The following ZPBP variants were observed in gnomAD, a reference collection of about 807,000 sequenced individuals.
ZPBP encodes the protein zona pellucida-binding protein 1.
Under a neutral mutation model 44.8 loss-of-function variants are expected in ZPBP, and 26 were observed. The observed-to-expected ratio is 0.58, with a 90% CI of 0.43 to 0.81. ZPBP has a LOEUF of 0.81. ZPBP is among the 30% of genes least tolerant of loss of function. The pLI, the probability that ZPBP is intolerant of heterozygous loss-of-function variation, is 0.00. For synonymous variants in ZPBP, 174 were observed against 153.2 expected (o/e 1.14, Z -1.00); for missense variants, 409 against 434.0 (o/e 0.94, Z 0.51).
chr7:50,062,715 G>A (rs938128610), intron 3 of ZPBP, among the ~76,000 whole-genome samples: 2 of 152,152 alleles, frequency 1.3e-5, no homozygotes, highest in Non-Finnish European at 2.9e-5. Flanking sequence ...GGCAAAGCAA[G>A]ATGGCTGAAT....
chr7:49,862,726 G>GTTTT (rs3062198), intron 2 of ZPBP, among the ~76,000 whole-genome samples: 51 of 143,562 alleles, frequency 3.6e-4, no homozygotes, highest in African/African-American at 1.2e-3. Flanking sequence ...ATGACCATGA[G>GTTTT]TTTTTTTTTT....
intron 2 of ZPBP, among the ~76,000 whole-genome samples, chr7:49,867,840 A>AT (rs140005386): frequency 0.48 from 68,279 of 140,836 alleles, 15,887 homozygotes; most frequent in Middle Eastern, 0.55. Context: ...TTATTATTTT[A>AT]TTTTATTTTT....
chr7:50,008,702 G>A (rs1019328929), intron 6 of ZPBP, among the ~76,000 whole-genome samples: 2 of 152,076 alleles, frequency 1.3e-5, no homozygotes, highest in African/African-American at 2.4e-5. Flanking sequence ...ACAGAAACCA[G>A]AAATAAGTCC....
chr7:50,006,985 G>A (rs1005611676), intron 6 of ZPBP, among the ~76,000 whole-genome samples: 4 of 151,902 alleles, frequency 2.6e-5, no homozygotes, highest in African/African-American at 9.7e-5. Flanking sequence ...GCCTTTGGGA[G>A]GTGATCAAGT....
intron 2 of ZPBP, among the ~76,000 whole-genome samples, chr7:49,853,281 C>T (rs1194253948): frequency 1.3e-5 from 2 of 152,212 alleles, no homozygotes; most frequent in African/African-American, 2.4e-5. Context: ...TGTAGTCTCC[C>T]TTAGGAACCT....
chr7:50,019,748 T>C (rs1777250482), intron 5 of ZPBP, among the ~76,000 whole-genome samples: 1 of 152,090 alleles, frequency 6.6e-6, no homozygotes, highest in Non-Finnish European at 1.5e-5. Flanking sequence ...GAGTTGATAT[T>C]ATGAGGTACT....
chr7:49,938,615 T>C (rs1286857098), intron 7 of ZPBP, among the ~76,000 whole-genome samples: 2 of 152,218 alleles, frequency 1.3e-5, no homozygotes, highest in Non-Finnish European at 2.9e-5. Context: ...TCAGGAACAC[T>C]GCCTCTACCA....
intron 2 of ZPBP, among the ~76,000 whole-genome samples, chr7:49,882,229 G>A (rs142820445): frequency 5.4e-4 from 82 of 152,148 alleles, no homozygotes; most frequent in Non-Finnish European, 9.6e-4. Context: ...TGTTTACATG[G>A]AAGTTGTCCA....
chr7:50,007,955 C>T (rs1231691053), intron 6 of ZPBP, among the ~76,000 whole-genome samples: 1 of 151,890 alleles, frequency 6.6e-6, no homozygotes, highest in Non-Finnish European at 1.5e-5. Flanking sequence ...ACTAAGATTA[C>T]AAATAAGACG....
intron 6 of ZPBP, among the ~76,000 whole-genome samples, chr7:49,999,172 C>T (rs1309591513): frequency 6.6e-6 from 1 of 151,560 alleles, no homozygotes; most frequent in Non-Finnish European, 1.5e-5. Flanking sequence ...CACAGACACA[C>T]ATTTATATAA....
At chr7:49,941,880 T>G (rs1794900127) in intron 7 of ZPBP, among the ~76,000 whole-genome samples, 1 of 152,042 alleles carries the variant, frequency 6.6e-6, no homozygotes, top group Non-Finnish European at 1.5e-5. Flanking sequence ...GCTGCAATAA[T>G]CAAAACAGTG....
Position 50,005,823 on chromosome 7 carries a change from ATGTGTGTGTGTGT to A in ZPBP, c.783+12404_783+12416del, listed in dbSNP as rs1460029227. On this transcript the variant is annotated intron_variant, in intron 6 of 7. Transcript: ENST00000046087. Reference sequence around the variant, plus strand: ...AATGAGTTAAACTTCATAACTATATATGTGTGTGTGTGTGTGTGTGTGTGTGTGTGTGTGTGTG... The same window carrying A: ...AATGAGTTAAACTTCATAACTATATAGTGTGTGTGTGTGTGTGTGTGTGTG... Among the ~76,000 whole-genome samples the A allele has an allele frequency of 5.9e-4, 86 of 144,912 alleles. 4 individuals carry two copies. The highest frequency in any genetic ancestry group is 2.2e-3 in the African/African-American group (84 of 38,312).
At chr7:50,071,556 C>T (rs1248694352) in intron 3 of ZPBP, among the ~76,000 whole-genome samples, 1 of 152,124 alleles carries the variant, frequency 6.6e-6, no homozygotes, top group Non-Finnish European at 1.5e-5. Context: ...GGAGGGCTGG[C>T]ATCACCCCTC....
intron 6 of ZPBP, among the ~76,000 whole-genome samples, chr7:50,006,274 C>A (rs571848138): frequency 4.0e-5 from 6 of 151,814 alleles, no homozygotes; most frequent in Non-Finnish European, 8.8e-5. Context: ...ATCAACAGGA[C>A]CTAAAAGATG....
At chr7:49,980,518 T>C (rs1398346435) in intron 7 of ZPBP, among the ~76,000 whole-genome samples, 2 of 151,676 alleles carry the variant, frequency 1.3e-5, no homozygotes, top group Admixed American at 6.6e-5. Context: ...GCTGAAAAGT[T>C]TGAGACTGGG....
rs1461494820 is a variant in ZPBP, at chr7:49,902,146, A to G, written n.412-931T>C. Among the ~76,000 whole-genome samples the G allele has an allele frequency of 5.9e-5, 9 of 152,146 alleles. No individual in the cohort carries two copies. In the East Asian group the frequency reaches 1.5e-3, roughly 26 times the overall value. ...GGTTTGGTGATGAATTTTTAGATAC[A>G]ACATCAGTAACATGAATAATAAAGA... is the stretch of plus-strand genomic sequence containing the variant. On this transcript the variant is annotated intron_variant and non_coding_transcript_variant, in intron 1 of 2. Coordinates refer to the ZPBP transcript ENST00000465922.
intron 1 of ZPBP, among the ~76,000 whole-genome samples, chr7:50,091,023 A>G (rs10267286): frequency 0.83 from 126,012 of 151,914 alleles, 52,297 homozygotes; most frequent in East Asian, 0.88. Context: ...GAGTAAGGTG[A>G]TATCACATTG....
the ZPBP span, among the ~76,000 whole-genome samples, chr7:49,841,415 A>C: frequency 6.6e-6 from 1 of 152,192 alleles, no homozygotes; most frequent in Non-Finnish European, 1.5e-5. Context: ...ATAGTGGAGG[A>C]ATTAAATGAA....
In ZPBP at chr7:50,059,301, ACT is replaced by A. The variant is rs1376059445; in HGVS notation, c.335-1162_335-1161del. Among the ~76,000 whole-genome samples the A allele has an allele frequency of 2.6e-5, 4 of 152,312 alleles. No homozygotes were observed. The East Asian group carries it at 7.7e-4, about 29-fold the overall frequency. On this transcript the variant is annotated intron_variant, in intron 3 of 7. Transcript: ENST00000046087. ...TTATTTATTTGTTCAGTAAATATTTACTGAGTGTCTAGTACATGCAAGCCCTG... is the reference window on the plus strand; with the variant it reads ...TTATTTATTTGTTCAGTAAATATTTAGAGTGTCTAGTACATGCAAGCCCTG...
Sources: gnomAD v4.1 joint callset for allele counts (sites outside exome capture counted in the v4.1 genomes callset) on GRCh38, gnomAD v4.1.1 for gene constraint, MANE v1.5 for transcripts, NCBI Gene and HGNC (gene_info 2026-07-23, HGNC 2026-07-21) for gene names.